CDH13: variants seen among roughly 807,000 people sequenced by gnomAD.
CDH13 encodes cadherin-13.
Under a neutral mutation model 63.8 loss-of-function variants are expected in CDH13, and 24 were observed. The observed-to-expected ratio is 0.38, with a 90% CI of 0.27 to 0.53. CDH13 has a LOEUF of 0.53. Ranked by LOEUF, CDH13 falls within the 20% of genes least tolerant of loss-of-function variation. The pLI is 0.85. For synonymous variants in CDH13, 503 were observed against 355.3 expected (o/e 1.42, Z -4.67); for missense variants, 1,049 against 903.1 (o/e 1.16, Z -2.07).
At position 82,680,278 on chromosome 16, in the gene CDH13, C is replaced by T. The variant is rs141898229; in HGVS notation, c.45+53141C>T. ...TACTGAGCACATCCTACATGTGACT[C>T]TGTTCTAAGTACTTTCTGCATGTCG... On this transcript the variant is annotated intron_variant, in intron 1 of 13. Transcript: ENST00000567109. Among the ~76,000 whole-genome samples, 282 of 152,346 alleles carry T rather than the reference C, an allele frequency of 1.9e-3. 3 individuals are homozygous for T. The highest frequency in any genetic ancestry group is 6.4e-3 in the African/African-American group (266 of 41,580).
At position 83,519,311 on chromosome 16, in the gene CDH13, A is replaced by T. The variant is rs537828067; in HGVS notation, c.960+32656A>T. ...AGTCCAGTGATATCCAAGGGCCTTT[A>T]TCAGGAAAACTGCAACATATGAACA... On this transcript the variant is annotated intron_variant, in intron 7 of 13. Coordinates refer to ENST00000567109, the MANE Select transcript of CDH13 (RefSeq NM_001257.5). 3.3e-5 allele frequency among the ~76,000 whole-genome samples: 5 copies of T among 152,328 alleles called. No individual in the cohort carries two copies. The South Asian group carries it at 1.0e-3, about 32-fold the overall frequency.
chr16:83,382,013 A>G (rs1392800677), intron 6 of CDH13, among the ~76,000 whole-genome samples: 2 of 152,214 alleles, frequency 1.3e-5, no homozygotes, highest in Non-Finnish European at 2.9e-5. Flanking sequence ...AGTCTCCCTT[A>G]TGACCTAACG....
chr16:82,999,937 T>G (rs976917636), intron 2 of CDH13, among the ~76,000 whole-genome samples: 2 of 152,122 alleles, frequency 1.3e-5, no homozygotes, highest in Non-Finnish European at 2.9e-5. Flanking sequence ...ACATTTTTGG[T>G]GGTCATGCTG....
chr16:83,206,880 C>T (rs995700316), intron 4 of CDH13, among the ~76,000 whole-genome samples: 4 of 133,004 alleles, frequency 3.0e-5, no homozygotes, highest in African/African-American at 1.1e-4. Flanking sequence ...ACAAAAGGGC[C>T]TTGACCTTCT....
intron 6 of CDH13, among the ~76,000 whole-genome samples, chr16:83,461,168 T>C (rs1466812303): frequency 6.6e-6 from 1 of 152,148 alleles, no homozygotes; most frequent in African/African-American, 2.4e-5. Flanking sequence ...CTATTTATTA[T>C]ACCTTGCTAT....
chr16:83,036,469 A>G (rs985987165), intron 3 of CDH13, among the ~76,000 whole-genome samples: 1 of 152,086 alleles, frequency 6.6e-6, no homozygotes, highest in Non-Finnish European at 1.5e-5. Flanking sequence ...CTGCTTTAAC[A>G]GTAGGTTCTA....
intron 11 of CDH13, among the ~76,000 whole-genome samples, chr16:83,769,938 C>T (rs1486261195): frequency 6.6e-6 from 1 of 152,108 alleles, no homozygotes; most frequent in Non-Finnish European, 1.5e-5. Flanking sequence ...AATCAGGGTA[C>T]TTGGTTACGG....
rs1597526251 is a variant in CDH13 at position 83,212,782 on chromosome 16, A to C, written c.484-4563A>C. ...GATTGTTAAAGCTCAGATTGCCAGCAATTCTCCCCCTACCCTGATTTCTGA... is the reference window on the plus strand; with the variant it reads ...GATTGTTAAAGCTCAGATTGCCAGCCATTCTCCCCCTACCCTGATTTCTGA... On this transcript the variant is annotated intron_variant, in intron 4 of 13. Transcript: ENST00000567109. Among the ~76,000 whole-genome samples the C allele has an allele frequency of 2.6e-5, 4 of 152,154 alleles. No homozygotes were observed. In the South Asian group the frequency reaches 8.3e-4, roughly 32 times the overall value.
intron 6 of CDH13, among the ~76,000 whole-genome samples, chr16:83,399,716 A>G (rs1459154680): frequency 6.6e-6 from 1 of 152,030 alleles, no homozygotes; most frequent in Admixed American, 6.6e-5. Context: ...GAAAGCCACC[A>G]TGTTGTGAGG....
At position 83,270,841 on chromosome 16, in the gene CDH13, C is replaced by G. The variant is rs117352962; in HGVS notation, c.636+53344C>G. ...TTTTTGCAGATGCTGTGTTGCTCTT[C>G]TCTTTTCTCCTTCCTCACTCTCTTC... On this transcript the variant is annotated intron_variant, in intron 5 of 13. Transcript: ENST00000567109. 1.3e-4 allele frequency among the ~76,000 whole-genome samples: 20 copies of G among 152,066 alleles called. No individual in the cohort carries two copies. The East Asian group carries it at 3.9e-3, about 29-fold the overall frequency.
intron 4 of CDH13, among the ~76,000 whole-genome samples, chr16:83,167,309 C>T (rs142217696): frequency 0.016 from 2,440 of 151,664 alleles, 78 homozygotes; most frequent in African/African-American, 0.056. Context: ...CCAGCCTGGC[C>T]AACATGGTGA....
chr16:83,401,892 G>A (rs1297602882), intron 6 of CDH13, among the ~76,000 whole-genome samples: 1 of 152,180 alleles, frequency 6.6e-6, no homozygotes, highest in African/African-American at 2.4e-5. Flanking sequence ...ATTTTAATCT[G>A]CACTGAATAT....
chr16:83,173,819 C>T (rs1291194655), intron 4 of CDH13, among the ~76,000 whole-genome samples: 2 of 152,040 alleles, frequency 1.3e-5, no homozygotes, highest in East Asian at 1.9e-4. Context: ...TGCCCTGTTA[C>T]CTTCCTAGCA....
intron 3 of CDH13, among the ~76,000 whole-genome samples, chr16:83,106,157 C>G (rs910184847): frequency 2.0e-5 from 3 of 152,182 alleles, no homozygotes; most frequent in Admixed American, 1.3e-4. Context: ...ATTCTCATTA[C>G]AGAAAAACAA....
chr16:83,122,653 G>A (rs1169419272), intron 3 of CDH13, among the ~76,000 whole-genome samples: 1 of 152,194 alleles, frequency 6.6e-6, no homozygotes, highest in African/African-American at 2.4e-5. Context: ...GGACCTTGCA[G>A]TGGCTCATGA....
chr16:82,901,835 G>C (rs545112657), intron 2 of CDH13, among the ~76,000 whole-genome samples: 2 of 152,266 alleles, frequency 1.3e-5, no homozygotes, highest in East Asian at 3.9e-4. Context: ...GTCCAGTGAG[G>C]GTTTCGTTAA....
intron 8 of CDH13, among the ~76,000 whole-genome samples, chr16:83,615,992 G>A (rs1007071989): frequency 7.9e-5 from 12 of 152,108 alleles, no homozygotes; most frequent in East Asian, 3.8e-4. Flanking sequence ...TTCAAATATC[G>A]GAGGCCCTGG....
chr16:83,311,004 C>T (rs1165145172), intron 5 of CDH13, among the ~76,000 whole-genome samples: 4 of 152,222 alleles, frequency 2.6e-5, no homozygotes, highest in Non-Finnish European at 4.4e-5. Flanking sequence ...AGGTTATCCT[C>T]TTCCAGGACA....
chr16:83,148,708 C>A (rs1209174770), intron 4 of CDH13, among the ~76,000 whole-genome samples: 1 of 152,086 alleles, frequency 6.6e-6, no homozygotes, highest in African/African-American at 2.4e-5. Flanking sequence ...CAGTTAATAT[C>A]TTTGTACGTA....
Sources: allele counts gnomAD v4.1 joint callset (sites outside exome capture counted in the v4.1 genomes callset), GRCh38; gene constraint gnomAD v4.1.1; transcripts MANE v1.5; gene names NCBI Gene and HGNC (gene_info 2026-07-23, HGNC 2026-07-21).